The following CENPW variants were observed in gnomAD, a reference collection of about 807,000 sequenced individuals.
CENPW encodes centromere protein W.
In CENPW, 3 loss-of-function variants were observed where a neutral mutation model predicts 11.1. That is an observed-to-expected ratio of 0.27 (90% confidence interval 0.12 to 0.70). The LOEUF (loss-of-function observed/expected upper bound fraction) is 0.70. Ranked by LOEUF, CENPW falls within the 30% of genes least tolerant of loss-of-function variation. The pLI is 0.77. For synonymous variants in CENPW, 38 were observed against 42.0 expected, an observed-to-expected ratio of 0.91 and a Z score of 0.37; for missense variants, 100 against 105.6, an observed-to-expected ratio of 0.95 and a Z score of 0.23.
the CENPW span, among the ~76,000 whole-genome samples, chr6:126,419,454 A>G: frequency 6.6e-6 from 1 of 152,212 alleles, no homozygotes; most frequent in African/African-American, 2.4e-5. Context: ...ATAAACAGTG[A>G]GTATAAAAAA....
the CENPW span, among the ~76,000 whole-genome samples, chr6:126,435,859 GT>G: frequency 3.8e-4 from 57 of 151,730 alleles, no homozygotes; most frequent in Middle Eastern, 3.4e-3. Flanking sequence ...TTCACTGTTT[GT>G]TTTTTGAAAA....
chr6:126,407,899 A>G, the CENPW span, among the ~76,000 whole-genome samples: 1 of 152,044 alleles, frequency 6.6e-6, no homozygotes, highest in Non-Finnish European at 1.5e-5. Flanking sequence ...CACTCTTATG[A>G]TAGGTTTTTT....
At chr6:126,394,577 G>A in the CENPW span, among the ~76,000 whole-genome samples, 13 of 151,912 alleles carry the variant, frequency 8.6e-5, no homozygotes, top group Non-Finnish European at 1.5e-4. Context: ...CACAATTACA[G>A]TGTTATAATA....
At chr6:126,367,002 GTC>G in the CENPW span, among the ~76,000 whole-genome samples, 3 of 151,952 alleles carry the variant, frequency 2.0e-5, no homozygotes, top group Non-Finnish European at 2.9e-5. Context: ...CCTCCCTTTA[GTC>G]TCTACCTTTC....
chr6:126,354,704 C>CT, the CENPW span, among the ~76,000 whole-genome samples: 1 of 152,118 alleles, frequency 6.6e-6, no homozygotes, highest in Non-Finnish European at 1.5e-5. Context: ...CAGCTCACCT[C>CT]TTTAAGAGTC....
the CENPW span, among the ~76,000 whole-genome samples, chr6:126,449,864 C>A: frequency 6.6e-6 from 1 of 150,934 alleles, no homozygotes; most frequent in Admixed American, 6.6e-5. Flanking sequence ...AAGAAAATGA[C>A]CTTAGTTAAA....
the CENPW span, among the ~76,000 whole-genome samples, chr6:126,428,897 T>C: frequency 6.6e-6 from 1 of 152,174 alleles, no homozygotes; most frequent in African/African-American, 2.4e-5. Context: ...CACCTAGAGA[T>C]AACTTTTGCT....
downstream of CENPW, among the ~76,000 whole-genome samples, chr6:126,353,291 A>G (rs1780512461): frequency 6.7e-6 from 1 of 150,080 alleles, no homozygotes; most frequent in Non-Finnish European, 1.5e-5. Context: ...GTTTCTTGGT[A>G]GTACATTTCC....
the CENPW span, among the ~76,000 whole-genome samples, chr6:126,434,970 T>C: frequency 6.6e-6 from 1 of 151,974 alleles, no homozygotes; most frequent in South Asian, 2.1e-4. Context: ...TCCTTGTCTG[T>C]TTCAATGCCT....
chr6:126,421,638 CA>C, the CENPW span, among the ~76,000 whole-genome samples: 1 of 149,942 alleles, frequency 6.7e-6, no homozygotes, highest in African/African-American at 2.5e-5. Flanking sequence ...AGTCTCTGGT[CA>C]AATTACTTCC....
the CENPW span, among the ~76,000 whole-genome samples, chr6:126,472,328 C>T: frequency 1.3e-5 from 2 of 152,158 alleles, no homozygotes; most frequent in Admixed American, 6.6e-5. Flanking sequence ...CTGGCCCAAC[C>T]ATACCAGCTA....
chr6:126,368,021 G>A, the CENPW span, among the ~76,000 whole-genome samples: 1 of 152,152 alleles, frequency 6.6e-6, no homozygotes, highest in Non-Finnish European at 1.5e-5. Context: ...AGCAGCTTAG[G>A]TAAAATGGGG....
At chr6:126,462,558 A>G in the CENPW span, among the ~76,000 whole-genome samples, 82 of 149,370 alleles carry the variant, frequency 5.5e-4, no homozygotes, top group Middle Eastern at 3.4e-3. Context: ...ACACACACAC[A>G]CGCATCTTCT....
At chr6:126,367,523 T>C in the CENPW span, among the ~76,000 whole-genome samples, 1 of 152,012 alleles carries the variant, frequency 6.6e-6, no homozygotes, top group Admixed American at 6.6e-5. Flanking sequence ...CAGGAAGTGG[T>C]ACAATGAGAC....
At chr6:126,472,728 G>C in the CENPW span, among the ~76,000 whole-genome samples, 2 of 152,172 alleles carry the variant, frequency 1.3e-5, no homozygotes, top group Non-Finnish European at 2.9e-5. Context: ...CTGACAGGCT[G>C]TTTGCCAAAT....
the CENPW span, among the ~76,000 whole-genome samples, chr6:126,362,875 C>A: frequency 2.0e-5 from 3 of 152,094 alleles, no homozygotes; most frequent in South Asian, 6.2e-4. Flanking sequence ...TCCAAAGCTA[C>A]CCATAAGAGA....
the CENPW span, among the ~76,000 whole-genome samples, chr6:126,482,425 A>C: frequency 6.6e-6 from 1 of 151,958 alleles, no homozygotes; most frequent in Admixed American, 6.6e-5. Context: ...ATACTGTTTA[A>C]GAAAGAGGCA....
At chr6:126,465,495 G>C in the CENPW span, among the ~76,000 whole-genome samples, 3 of 151,972 alleles carry the variant, frequency 2.0e-5, no homozygotes, top group African/African-American at 7.2e-5. Flanking sequence ...AATCAAGCTG[G>C]CATTTTTTCG....
chr6:126,406,845 C>T, the CENPW span, among the ~76,000 whole-genome samples: 1 of 151,084 alleles, frequency 6.6e-6, no homozygotes, highest in Non-Finnish European at 1.5e-5. Context: ...GAGCAAGACT[C>T]CATCCTGGAA....
Sources: gnomAD v4.1 joint callset for allele counts (sites outside exome capture counted in the v4.1 genomes callset) on GRCh38, gnomAD v4.1.1 for gene constraint, MANE v1.5 for transcripts, NCBI Gene and HGNC (gene_info 2026-07-23, HGNC 2026-07-21) for gene names.